The following CLYBL variants were observed in gnomAD, a reference collection of about 807,000 sequenced individuals.
The protein encoded by CLYBL is citramalyl-CoA lyase, mitochondrial.
CLYBL carries 31 observed loss-of-function variants against 38.9 expected under a neutral mutation model. That is an observed-to-expected ratio of 0.80 (90% CI 0.60 to 1.08). The LOEUF (loss-of-function observed/expected upper bound fraction) is 1.08, where lower values mean the gene tolerates loss of function less well. Ranked by LOEUF, CLYBL falls within the 50% of genes least tolerant of loss-of-function variation. CLYBL has a pLI of 0.00. For missense variants in CLYBL, 434 were observed against 411.6 expected (o/e 1.05, Z -0.47); for synonymous variants, 171 against 158.6 (o/e 1.08, Z -0.59).
At chr13:99,698,173 AGTTT>A (rs113741361) in intron 1 of CLYBL, among the ~76,000 whole-genome samples, 10,001 of 151,642 alleles carry the variant, frequency 0.066, 1,091 homozygotes, top group African/African-American at 0.23. Context: ...GCCATGCTGG[AGTTT>A]GTTTGTTTTG....
intron 1 of CLYBL, among the ~76,000 whole-genome samples, chr13:99,667,396 G>A (rs1398228536): frequency 6.7e-6 from 1 of 149,250 alleles, no homozygotes; most frequent in Non-Finnish European, 1.5e-5. Flanking sequence ...GGACATTATG[G>A]AAAGGATTGC....
At chr13:99,814,075 A>G (rs965908318) in intron 2 of CLYBL, among the ~76,000 whole-genome samples, 2 of 152,218 alleles carry the variant, frequency 1.3e-5, no homozygotes, top group Admixed American at 6.5e-5. Context: ...AAGTGGCCCA[A>G]CAAGGTTTTG....
intron 1 of CLYBL, among the ~76,000 whole-genome samples, chr13:99,736,708 A>C (rs141949457): frequency 1.3e-5 from 2 of 152,102 alleles, no homozygotes; most frequent in East Asian, 3.9e-4. Flanking sequence ...TTCTCCCTCC[A>C]CGGCCAGATT....
chr13:99,721,472 A>AT (rs1555294068), intron 1 of CLYBL, among the ~76,000 whole-genome samples: 6 of 149,664 alleles, frequency 4.0e-5, no homozygotes, highest in African/African-American at 1.5e-4. Context: ...TCTTTTTTTA[A>AT]ATATATATAT....
chr13:99,881,259 A>C (rs2052201406), intron 7 of CLYBL, among the ~76,000 whole-genome samples: 1 of 152,206 alleles, frequency 6.6e-6, no homozygotes, highest in African/African-American at 2.4e-5. Flanking sequence ...ATACATTAGC[A>C]TCCGTAAATT....
intron 1 of CLYBL, among the ~76,000 whole-genome samples, chr13:99,657,800 A>G (rs1484785696): frequency 1.3e-5 from 2 of 152,190 alleles, no homozygotes; most frequent in African/African-American, 4.8e-5. Flanking sequence ...GTTTTGAGCA[A>G]TTAAGGTTTG....
chr13:99,893,053 T>C (rs1014541937), downstream of CLYBL: 9 of 152,340 alleles, frequency 5.9e-5, no homozygotes, highest in South Asian at 2.1e-4. Flanking sequence ...AGGAGACAGA[T>C]AGCTCCTAAA....
intron 1 of CLYBL, among the ~76,000 whole-genome samples, chr13:99,672,521 T>C (rs1251382780): frequency 6.6e-6 from 1 of 151,872 alleles, no homozygotes; most frequent in Non-Finnish European, 1.5e-5. Context: ...CACCGATAAT[T>C]CCAGCACTTT....
intron 1 of CLYBL, among the ~76,000 whole-genome samples, chr13:99,692,045 A>G (rs964179898): frequency 6.6e-6 from 1 of 152,168 alleles, no homozygotes; most frequent in Non-Finnish European, 1.5e-5. Flanking sequence ...CATAGCCAGG[A>G]TGGATATGAT....
At chr13:99,759,068 A>G (rs1387962626) in intron 1 of CLYBL, among the ~76,000 whole-genome samples, 1 of 152,082 alleles carries the variant, frequency 6.6e-6, no homozygotes, top group Non-Finnish European at 1.5e-5. Flanking sequence ...CTGCTCTTCC[A>G]TTTGCTGGAA....
chr13:99,770,036 TCA>T (rs1310965140), intron 1 of CLYBL, among the ~76,000 whole-genome samples: 1 of 151,920 alleles, frequency 6.6e-6, no homozygotes, highest in Non-Finnish European at 1.5e-5. Context: ...GAGTAAAACA[TCA>T]GTTTGCCAGG....
chr13:99,705,669 A>T (rs1206465877), intron 1 of CLYBL, among the ~76,000 whole-genome samples: 1 of 152,174 alleles, frequency 6.6e-6, no homozygotes, highest in African/African-American at 2.4e-5. Context: ...AAGGACAAAT[A>T]TGTGATTGTA....
chr13:99,692,982 T>G (rs1168772901), intron 1 of CLYBL, among the ~76,000 whole-genome samples: 7 of 152,206 alleles, frequency 4.6e-5, no homozygotes, highest in Admixed American at 3.9e-4. Flanking sequence ...ATGGATATTT[T>G]TTGGGGGATA....
chr13:99,671,960 C>T (rs2139365343), intron 1 of CLYBL, among the ~76,000 whole-genome samples: 1 of 152,198 alleles, frequency 6.6e-6, no homozygotes, highest in Middle Eastern at 3.4e-3. Context: ...GCCCTCACTC[C>T]ACCCTTCACC....
rs149884749 is a variant in CLYBL at position 99,608,648 on chromosome 13, G to A, written c.62+1891G>A. 4.2e-3 allele frequency among the ~76,000 whole-genome samples: 645 copies of A among 152,140 alleles called. 3 individuals are homozygous for A. Among genetic ancestry groups the A allele is most frequent in the Non-Finnish European group, 6.3e-3 (427 of 67,992 alleles). On this transcript the variant is annotated intron_variant, in intron 1 of 8. Transcript: ENST00000339105. The stretch of plus-strand genomic sequence containing the variant: ...CACAGTCCCCACGCCAGTACGCTGG[G>A]GGTTAACTCAGTGCTCCTCACCCGC...
intron 2 of CLYBL, among the ~76,000 whole-genome samples, chr13:99,825,303 G>A (rs561770285): frequency 4.8e-4 from 73 of 152,126 alleles, no homozygotes; most frequent in Non-Finnish European, 8.5e-4. Flanking sequence ...CCTCAGTGCC[G>A]TCCTCTGTAA....
chr13:99,647,732 A>G (rs2047197932), intron 1 of CLYBL, among the ~76,000 whole-genome samples: 1 of 152,194 alleles, frequency 6.6e-6, no homozygotes, highest in African/African-American at 2.4e-5. Context: ...AGATATTAGA[A>G]GCAAATTTGG....
At position 99,672,637 on chromosome 13, in the gene CLYBL, G is replaced by A. The variant is rs184535138; in HGVS notation, c.62+65880G>A. ...AAAAAAAAAAAAAAGTTAGCCAGGC[G>A]TGGTGGTGTGTGCCTATAGTCCCAG... On this transcript the variant is annotated intron_variant, in intron 1 of 8. Transcript: ENST00000339105. Among the ~76,000 whole-genome samples the A allele has an allele frequency of 1.1e-3, 167 of 151,678 alleles. No individual in the cohort carries two copies. In the South Asian group the frequency reaches 0.013, roughly 12 times the overall value.
chr13:99,752,130 C>T (rs897785412), intron 1 of CLYBL, among the ~76,000 whole-genome samples: 1 of 152,128 alleles, frequency 6.6e-6, no homozygotes, highest in Admixed American at 6.5e-5. Flanking sequence ...TCTCATATGC[C>T]GCTGGTGGGA....
Sources: allele counts gnomAD v4.1 joint callset (sites outside exome capture counted in the v4.1 genomes callset), GRCh38; gene constraint gnomAD v4.1.1; transcripts MANE v1.5; gene names NCBI Gene and HGNC (gene_info 2026-07-23, HGNC 2026-07-21).